The following MICU1 variants were observed in gnomAD, a reference collection of about 807,000 sequenced individuals.
MICU1 encodes the protein calcium uptake protein 1, mitochondrial.
A neutral mutation model predicts 56.8 loss-of-function variants in MICU1; 45 were observed. That is an observed-to-expected ratio of 0.79 (90% CI 0.62 to 1.02). The LOEUF (loss-of-function observed/expected upper bound fraction) is 1.02. Ranked by LOEUF, MICU1 falls within the 50% of genes least tolerant of loss-of-function variation. MICU1 has a pLI of 0.00. For synonymous variants in MICU1, 186 were observed against 195.1 expected, an observed-to-expected ratio of 0.95 and a Z score of 0.39; for missense variants, 504 against 587.1, an observed-to-expected ratio of 0.86 and a Z score of 1.46.
At chr10:72,571,656 G>T (rs1840613404) in intron 1 of MICU1, among the ~76,000 whole-genome samples, 1 of 152,186 alleles carries the variant, frequency 6.6e-6, no homozygotes, top group African/African-American at 2.4e-5. Flanking sequence ...AGAGCTGACA[G>T]GAAAGTGATG....
chr10:72,455,363 A>G lies in MICU1; in HGVS notation c.933+19737T>C, dbSNP rs561163502. The stretch of plus-strand genomic sequence containing the variant: ...AAGACTCTGTCTCAAAAAAAAAAAA[A>G]AAAAAAAAAAAAAGATCAAAGTTCA... On this transcript the variant is annotated intron_variant, in intron 8 of 11. Coordinates refer to ENST00000361114, the MANE Select transcript of MICU1 (RefSeq NM_001195518.2). Among the ~76,000 whole-genome samples the G allele has an allele frequency of 6.8e-4, 103 of 151,186 alleles. 1 individual carries two copies. In the East Asian group the frequency reaches 0.018, roughly 27 times the overall value.
chr10:72,557,065 C>CAA (rs557963130), intron 3 of MICU1, among the ~76,000 whole-genome samples: 2 of 141,400 alleles, frequency 1.4e-5, no homozygotes, highest in Admixed American at 7.1e-5. Context: ...GACTTCATCC[C>CAA]AAAAAAAAAA....
At chr10:72,444,123 CA>C (rs1054692597) in intron 8 of MICU1, among the ~76,000 whole-genome samples, 2 of 147,228 alleles carry the variant, frequency 1.4e-5, no homozygotes, top group Non-Finnish European at 3.0e-5. Context: ...ATCGCAAGAA[CA>C]AAAAACCAAA....
intron 6 of MICU1, among the ~76,000 whole-genome samples, chr10:72,506,460 T>G (rs16929951): frequency 8.5e-5 from 13 of 152,232 alleles, no homozygotes; most frequent in African/African-American, 3.1e-4. Context: ...TCATGGCTAT[T>G]TGCTGTATAA....
chr10:72,415,464 A>G (rs1484971678), intron 9 of MICU1, among the ~76,000 whole-genome samples: 1 of 152,126 alleles, frequency 6.6e-6, no homozygotes, highest in Non-Finnish European at 1.5e-5. Context: ...TGCTCTAATA[A>G]AGCATCTTCC....
At chr10:72,445,751 C>T (rs941265227) in intron 8 of MICU1, among the ~76,000 whole-genome samples, 75 of 152,100 alleles carry the variant, frequency 4.9e-4, no homozygotes, top group African/African-American at 1.8e-3. Context: ...CAACTGTGTA[C>T]TTCTGGGCAA....
In MICU1 at chr10:72,508,090, T is replaced by C. The variant is rs1867315029; in HGVS notation, c.652+65A>G. Reference sequence around the variant, plus strand: ...CAATATGTCTTGTTTTATAAACATATAAACAATTATGTTTATAGTCCTGTA... The same window carrying C: ...CAATATGTCTTGTTTTATAAACATACAAACAATTATGTTTATAGTCCTGTA... On this transcript the variant is annotated intron_variant, in intron 6 of 11. Coordinates refer to ENST00000361114, the MANE Select transcript of MICU1 (RefSeq NM_001195518.2). The C allele has an allele frequency of 3.2e-5, 23 of 729,992 alleles. No individual in the cohort carries two copies. In the East Asian group the frequency reaches 6.4e-4, roughly 20 times the overall value. 45.2% of individuals were successfully genotyped at this position (729,992 alleles called of 1,614,324 possible).
rs1406678684 is a variant in MICU1, at chr10:72,565,070, C to G, written c.161+1563G>C. Among the ~76,000 whole-genome samples, 3 of 149,998 alleles carry G rather than the reference C, an allele frequency of 2.0e-5. No individual in the cohort carries two copies. The Admixed American group carries it at 2.0e-4, about 10-fold the overall frequency. On this transcript the variant is annotated intron_variant, in intron 2 of 11. Coordinates refer to ENST00000361114, the MANE Select transcript of MICU1 (RefSeq NM_001195518.2). ...CTGAGGTGGGCAAGTCACTTGACCC[C>G]AGGAGTTCAAGACCAGCTTGACCAA...
intron 9 of MICU1, among the ~76,000 whole-genome samples, chr10:72,418,654 CTT>C (rs1163927707): frequency 2.0e-5 from 3 of 152,184 alleles, no homozygotes; most frequent in African/African-American, 7.2e-5. Context: ...TCTCTTAGGT[CTT>C]GTTTGATACC....
At chr10:72,423,455 G>A (rs1864244845) in intron 8 of MICU1, 84 bp from the exon 9 acceptor site, 1 of 1,457,040 alleles carries the variant, frequency 6.9e-7, no homozygotes, top group African/African-American at 1.4e-5. Context: ...TGTGTTTGAT[G>A]GCAGAAAATA....
intron 5 of MICU1, among the ~76,000 whole-genome samples, chr10:72,517,979 C>G (rs1276635271): frequency 6.6e-6 from 1 of 151,532 alleles, no homozygotes; most frequent in African/African-American, 2.4e-5. Context: ...CTCTCACTGC[C>G]CCAGAAGTAG....
chr10:72,598,828 A>G (rs2132542453), intron 1 of MICU1, among the ~76,000 whole-genome samples: 1 of 152,322 alleles, frequency 6.6e-6, no homozygotes, highest in South Asian at 2.1e-4. Flanking sequence ...AGAGCATTCT[A>G]CCAGCCCCAT....
chr10:72,477,470 C>T, intron 6 of MICU1: 1 of 1,515,496 alleles, frequency 6.6e-7, no homozygotes. Context: ...GTACTACGGC[C>T]AGTAAAGACA....
intron 1 of MICU1, among the ~76,000 whole-genome samples, chr10:72,574,292 G>A (rs527830028): frequency 6.6e-6 from 1 of 152,182 alleles, no homozygotes; most frequent in Non-Finnish European, 1.5e-5. Flanking sequence ...TACTTTGGGA[G>A]GCTGAGGTAG....
At chr10:72,604,064 GACACAC>G (rs140410333) in intron 1 of MICU1, among the ~76,000 whole-genome samples, 30 of 149,886 alleles carry the variant, frequency 2.0e-4, no homozygotes, top group South Asian at 4.2e-4. Context: ...TTTACACAAA[GACACAC>G]ACACACACAC....
chr10:72,502,314 C>A (rs1274647576), intron 6 of MICU1, among the ~76,000 whole-genome samples: 1 of 151,854 alleles, frequency 6.6e-6, no homozygotes, highest in Non-Finnish European at 1.5e-5. Context: ...ACCACCATGC[C>A]CGGCTAATTT....
At position 72,498,139 on chromosome 10, in the gene MICU1, G is replaced by T. The variant is rs56763097; in HGVS notation, c.652+10016C>A. 9.2e-3 allele frequency among the ~76,000 whole-genome samples: 1,404 copies of T among 152,320 alleles called. 28 individuals carry two copies. Among genetic ancestry groups the T allele is most frequent in the African/African-American group, 0.031 (1,304 of 41,566 alleles). ...AAATTCTAGTTGAGATATCCTAGGA[G>T]AAGGATAATTTTGATTGGACAAGTC... On this transcript the variant is annotated intron_variant, in intron 6 of 11. Transcript: ENST00000361114.
intron 5 of MICU1, chr10:72,509,543 T>C (rs1156343887): frequency 6.6e-6 from 4 of 606,106 alleles, no homozygotes; most frequent in African/African-American, 5.8e-5. Context: ...CTACTAGATA[T>C]TTACTTGTTC....
intron 1 of MICU1, among the ~76,000 whole-genome samples, chr10:72,616,664 A>AC (rs1268388902): frequency 4.2e-4 from 63 of 149,238 alleles, no homozygotes; most frequent in Admixed American, 6.7e-4. Flanking sequence ...AAAAAAAAAA[A>AC]AAACACACTA....
Sources: gnomAD v4.1 joint callset for allele counts (sites outside exome capture counted in the v4.1 genomes callset) on GRCh38, gnomAD v4.1.1 for gene constraint, MANE v1.5 for transcripts, NCBI Gene and HGNC (gene_info 2026-07-23, HGNC 2026-07-21) for gene names.